The following PAX5 variants were observed in gnomAD, a reference collection of about 807,000 sequenced individuals.
PAX5 encodes the protein paired box protein Pax-5.
A neutral mutation model predicts 43.7 loss-of-function variants in PAX5; 9 were observed. That is an observed-to-expected ratio of 0.21 (90% CI 0.12 to 0.36). The LOEUF (loss-of-function observed/expected upper bound fraction) is 0.36, where lower values mean the gene tolerates loss of function less well. PAX5 is among the 10% of genes least tolerant of loss of function. PAX5 has a pLI of 1.00. For synonymous variants in PAX5, 228 were observed against 214.3 expected, an observed-to-expected ratio of 1.06 and a Z score of -0.56; for missense variants, 383 against 532.7, an observed-to-expected ratio of 0.72 and a Z score of 2.77.
chr9:37,032,150 G>A (rs548423295), intron 1 of PAX5, among the ~76,000 whole-genome samples: 1 of 152,166 alleles, frequency 6.6e-6, no homozygotes, highest in African/African-American at 2.4e-5. Context: ...TAGGGCTCCC[G>A]TATCTCACCC....
chr9:36,856,815 A>C (rs1823720364), intron 8 of PAX5, among the ~76,000 whole-genome samples: 1 of 152,244 alleles, frequency 6.6e-6, no homozygotes, highest in Non-Finnish European at 1.5e-5. Flanking sequence ...AAAAAAGAGC[A>C]GTACCAGACT....
rs368036487 is a variant in PAX5, at chr9:37,034,088, C to CTTT, written c.-60_-58dup. On this transcript the variant is annotated 5_prime_UTR_variant, in exon 1 of 10. Coordinates refer to ENST00000358127, the MANE Select transcript of PAX5 (RefSeq NM_016734.3). Reference sequence around the variant, plus strand: ...GGGAAAAGTTTCCACTTTTTTGTGCCTTTTTTTTTCTTTTTTTTTTTTTTT... The same window carrying CTTT: ...GGGAAAAGTTTCCACTTTTTTGTGCCTTTTTTTTTTTTCTTTTTTTTTTTTTTT... 3.3e-4 allele frequency: 148 copies of CTTT among 448,270 alleles called. No individual in the cohort carries two copies. Among genetic ancestry groups the CTTT allele is most frequent in the South Asian group, 7.9e-4 (23 of 29,032 alleles). 27.8% of individuals were successfully genotyped at this position (448,270 alleles called of 1,614,324 possible).
intron 8 of PAX5, among the ~76,000 whole-genome samples, chr9:36,868,766 C>G (rs1825145998): frequency 6.6e-6 from 1 of 152,114 alleles, no homozygotes. Context: ...AGGCGCCAAG[C>G]CCAGCTGCTC....
chr9:36,905,318 C>A (rs1473667508), intron 7 of PAX5, among the ~76,000 whole-genome samples: 1 of 152,256 alleles, frequency 6.6e-6, no homozygotes, highest in Non-Finnish European at 1.5e-5. Flanking sequence ...CACACACTTT[C>A]TTTCATGTGC....
chr9:36,945,234 T>TA (rs397817683), intron 6 of PAX5, among the ~76,000 whole-genome samples: 39 of 150,878 alleles, frequency 2.6e-4, no homozygotes, highest in African/African-American at 8.0e-4. Flanking sequence ...TTTTTTTTTT[T>TA]AGTTTTTTGT....
chr9:37,022,549 T>C (rs1433256567), intron 1 of PAX5, among the ~76,000 whole-genome samples: 1 of 152,352 alleles, frequency 6.6e-6, no homozygotes, highest in African/African-American at 2.4e-5. Flanking sequence ...ACTTTTGATA[T>C]GACCTGGGAG....
At position 36,877,153 on chromosome 9, in the gene PAX5, A is replaced by G. The variant is rs572493786; in HGVS notation, c.1012+4851T>C. On this transcript the variant is annotated intron_variant, in intron 8 of 9. Transcript: ENST00000358127. ...GGAGTTGGAGACCAGCCTGGACAGT[A>G]TGGCAAAACCCGTCTCTACAAAAAA... 5.9e-5 allele frequency among the ~76,000 whole-genome samples: 9 copies of G among 152,250 alleles called. No homozygotes were observed. The East Asian group carries it at 1.7e-3, about 29-fold the overall frequency.
At chr9:36,880,990 C>A (rs1265463292) in intron 8 of PAX5, among the ~76,000 whole-genome samples, 1 of 152,196 alleles carries the variant, frequency 6.6e-6, no homozygotes, top group Admixed American at 6.5e-5. Context: ...GTAAATGACT[C>A]TACCTAAGAG....
intron 8 of PAX5, among the ~76,000 whole-genome samples, chr9:36,850,752 C>T (rs555911826): frequency 5.3e-4 from 81 of 152,254 alleles, no homozygotes; most frequent in Non-Finnish European, 1.0e-3. Flanking sequence ...ACACACAGCA[C>T]ATGGCCATTC....
At chr9:36,903,697 A>G (rs1828587209) in intron 7 of PAX5, among the ~76,000 whole-genome samples, 1 of 152,218 alleles carries the variant, frequency 6.6e-6, no homozygotes, top group South Asian at 2.1e-4. Flanking sequence ...AGGCCTGGTC[A>G]GGCTGCATGA....
chr9:36,847,410 G>A (rs1180762070), intron 8 of PAX5, among the ~76,000 whole-genome samples: 1 of 152,240 alleles, frequency 6.6e-6, no homozygotes, highest in Non-Finnish European at 1.5e-5. Context: ...GGACAGAGAA[G>A]CCAAAGGTAA....
chr9:37,027,725 T>A (rs1303430064), intron 1 of PAX5, among the ~76,000 whole-genome samples: 4 of 152,112 alleles, frequency 2.6e-5, no homozygotes, highest in African/African-American at 7.2e-5. Flanking sequence ...GGGGCTCAGC[T>A]CCCTCCGGGC....
chr9:37,013,161 A>C, intron 3 of PAX5, among the ~76,000 whole-genome samples: 1 of 152,212 alleles, frequency 6.6e-6, no homozygotes, highest in African/African-American at 2.4e-5. Flanking sequence ...CACAAGCCCC[A>C]GCTTCTGCCT....
At chr9:36,869,797 T>A (rs971136586) in intron 8 of PAX5, among the ~76,000 whole-genome samples, 24 of 152,046 alleles carry the variant, frequency 1.6e-4, no homozygotes, top group African/African-American at 5.8e-4. Context: ...AGTGGATGGA[T>A]GGGTGGATAA....
intron 9 of PAX5, among the ~76,000 whole-genome samples, chr9:36,841,709 T>C (rs1017946972): frequency 1.3e-5 from 2 of 152,090 alleles, no homozygotes; most frequent in African/African-American, 2.4e-5. Flanking sequence ...GAGCAAACAA[T>C]AGCGAAGACA....
intron 7 of PAX5, among the ~76,000 whole-genome samples, chr9:36,907,640 G>A (rs932702082): frequency 2.0e-5 from 3 of 152,158 alleles, no homozygotes; most frequent in African/African-American, 4.8e-5. Context: ...CAGACAGGGT[G>A]GAAGCTCTTT....
At position 36,989,099 on chromosome 9, in the gene PAX5, C is replaced by T. The variant is rs147628472; in HGVS notation, c.604+13549G>A. On this transcript the variant is annotated intron_variant, in intron 5 of 9. Coordinates refer to ENST00000358127, the MANE Select transcript of PAX5 (RefSeq NM_016734.3). ...CTTGCAGGTGTGACAGGGAAGTGTG[C>T]GCAGCAGTGTTAGGAAAGCTTCAGA... is the stretch of plus-strand genomic sequence containing the variant. 3.3e-4 allele frequency among the ~76,000 whole-genome samples: 50 copies of T among 152,290 alleles called. 2 individuals are homozygous for T. The Middle Eastern group carries it at 0.014, about 41-fold the overall frequency.
chr9:36,881,954 C>T (rs367613041), intron 8 of PAX5, 50 bp downstream of exon 8: 218 of 1,423,796 alleles, frequency 1.5e-4, no homozygotes, highest in Non-Finnish European at 2.0e-4. Context: ...GTCCCCCCAC[C>T]GAAACCCCGT....
At chr9:36,904,793 C>A (rs749903064) in intron 7 of PAX5, among the ~76,000 whole-genome samples, 44 of 152,260 alleles carry the variant, frequency 2.9e-4, no homozygotes, top group Non-Finnish European at 5.9e-4. Context: ...TGATTAGTAA[C>A]GACCAATCAT....
Sources: gnomAD v4.1 joint callset for allele counts (sites outside exome capture counted in the v4.1 genomes callset) on GRCh38, gnomAD v4.1.1 for gene constraint, MANE v1.5 for transcripts, NCBI Gene and HGNC (gene_info 2026-07-23, HGNC 2026-07-21) for gene names.